The following PRKG1 variants were observed in gnomAD, a reference collection of about 807,000 sequenced individuals.
PRKG1 encodes cGMP-dependent protein kinase 1.
In PRKG1, 35 loss-of-function variants were observed where a neutral mutation model predicts 88.1. The ratio of observed to expected loss-of-function variants is 0.40; its 90% CI spans 0.30 to 0.53. The LOEUF is 0.53. Ranked by LOEUF, PRKG1 falls within the 20% of genes least tolerant of loss-of-function variation. The pLI is 0.59. For synonymous variants in PRKG1, 303 were observed against 292.5 expected (o/e 1.04, Z -0.37); for missense variants, 540 against 839.8 (o/e 0.64, Z 4.41).
intron 6 of PRKG1, among the ~76,000 whole-genome samples, chr10:52,055,841 G>A (rs986675478): frequency 5.3e-5 from 8 of 152,092 alleles, no homozygotes; most frequent in African/African-American, 1.9e-4. Context: ...ATAACTTATA[G>A]CTCATATATA....
chr10:52,151,855 C>T (rs34173878), intron 8 of PRKG1, among the ~76,000 whole-genome samples: 26,493 of 152,074 alleles, frequency 0.17, 2,712 homozygotes, highest in South Asian at 0.3. Flanking sequence ...GAAAGTCATG[C>T]TACATTTTAA....
intron 3 of PRKG1, among the ~76,000 whole-genome samples, chr10:51,634,425 A>T (rs1470127363): frequency 6.6e-6 from 1 of 152,128 alleles, no homozygotes; most frequent in East Asian, 1.9e-4. Context: ...AAACTTGATT[A>T]TATAGTTAGG....
chr10:51,116,690 C>T (rs1303416403), intron 1 of PRKG1, among the ~76,000 whole-genome samples: 1 of 152,144 alleles, frequency 6.6e-6, no homozygotes, highest in Non-Finnish European at 1.5e-5. Context: ...AGCATTTCCT[C>T]TGAAATCCCT....
intron 4 of PRKG1, among the ~76,000 whole-genome samples, chr10:51,864,417 T>C (rs1453694563): frequency 2.0e-5 from 3 of 152,200 alleles, no homozygotes; most frequent in Admixed American, 6.5e-5. Flanking sequence ...TTTTAAAAAG[T>C]TTGGAATGTA....
chr10:51,224,470 G>T (rs978854519), intron 2 of PRKG1, among the ~76,000 whole-genome samples: 1 of 152,202 alleles, frequency 6.6e-6, no homozygotes, highest in Non-Finnish European at 1.5e-5. Context: ...AATATTTTCA[G>T]ACATCAAACT....
chr10:51,797,546 T>G (rs1455795217), intron 3 of PRKG1, among the ~76,000 whole-genome samples: 1 of 146,886 alleles, frequency 6.8e-6, no homozygotes, highest in Non-Finnish European at 1.5e-5. Context: ...GTATTTAATA[T>G]TAAATATAAT....
intron 1 of PRKG1, among the ~76,000 whole-genome samples, chr10:51,150,950 C>G (rs769211180): frequency 2.0e-5 from 3 of 151,882 alleles, no homozygotes; most frequent in Non-Finnish European, 4.4e-5. Flanking sequence ...TAATTATGTT[C>G]TTGGAAGAGG....
At chr10:51,086,072 G>C (rs994637562) in intron 1 of PRKG1, among the ~76,000 whole-genome samples, 1 of 151,920 alleles carries the variant, frequency 6.6e-6, no homozygotes, top group African/African-American at 2.4e-5. Flanking sequence ...TTCTCTTGTT[G>C]GAAAAAAAGG....
chr10:51,772,971 A>G (rs897751846), intron 3 of PRKG1, among the ~76,000 whole-genome samples: 1 of 152,072 alleles, frequency 6.6e-6, no homozygotes, highest in South Asian at 2.1e-4. Flanking sequence ...AGCAATGTTA[A>G]TTGGCAGAAC....
intron 1 of PRKG1, among the ~76,000 whole-genome samples, chr10:51,112,648 G>A (rs909106804): frequency 6.6e-6 from 1 of 152,144 alleles, no homozygotes; most frequent in Admixed American, 6.6e-5. Flanking sequence ...GATGATTAAA[G>A]TACCAGACTA....
At chr10:52,291,670 A>G (rs9731770) in intron 17 of PRKG1, among the ~76,000 whole-genome samples, 1 of 152,052 alleles carries the variant, frequency 6.6e-6, no homozygotes, top group East Asian at 1.9e-4. Flanking sequence ...CATTTGGGTT[A>G]GTTCCAAGTC....
rs148188616 is a variant in PRKG1 at position 51,487,698 on chromosome 10, C to T, written c.592+19862C>T. ...TATCTTAAGGAGTATGTCTCATCAA[C>T]GGACAAAAGCTAAGCCAAAAACACC... On this transcript the variant is annotated intron_variant, in intron 3 of 17. Transcript: ENST00000373980. Among the ~76,000 whole-genome samples the T allele has an allele frequency of 1.3e-3, 199 of 152,148 alleles. 1 individual carries two copies. Among genetic ancestry groups the T allele is most frequent in the African/African-American group, 4.4e-3 (184 of 41,502 alleles).
chr10:51,765,654 A>G lies in PRKG1; in HGVS notation c.593-38931A>G, dbSNP rs151184315. Among the ~76,000 whole-genome samples, 339 of 152,144 alleles carry G rather than the reference A, an allele frequency of 2.2e-3. 1 individual carries two copies. The highest frequency in any genetic ancestry group is 6.8e-3 in the Middle Eastern group (2 of 294). On this transcript the variant is annotated intron_variant, in intron 3 of 17. Transcript: ENST00000373980. ...TCTCTGAGTCTTGGCCCATACCATT[A>G]ACCTCACCTGGAATGTACTTTCCTT...
chr10:51,455,541 C>T (rs550802650), intron 2 of PRKG1, among the ~76,000 whole-genome samples: 25 of 152,272 alleles, frequency 1.6e-4, no homozygotes, highest in Admixed American at 5.2e-4. Context: ...GAATGCTTTG[C>T]TGCTTATAAA....
At chr10:52,004,889 T>C (rs1306955906) in intron 5 of PRKG1, among the ~76,000 whole-genome samples, 1 of 152,150 alleles carries the variant, frequency 6.6e-6, no homozygotes, top group East Asian at 1.9e-4. Context: ...ATCATGCCAC[T>C]GTACTCCATC....
intron 2 of PRKG1, among the ~76,000 whole-genome samples, chr10:51,170,161 T>C (rs1846664162): frequency 6.6e-6 from 1 of 152,034 alleles, no homozygotes. Flanking sequence ...TTTCTCCAAT[T>C]TGTTAATTCA....
At chr10:51,906,859 A>T (rs931826931) in intron 4 of PRKG1, among the ~76,000 whole-genome samples, 1 of 152,194 alleles carries the variant, frequency 6.6e-6, no homozygotes, top group African/African-American at 2.4e-5. Flanking sequence ...TTTGGGGTAA[A>T]ATACTTCAAT....
chr10:51,557,624 C>T (rs778543431), intron 3 of PRKG1, among the ~76,000 whole-genome samples: 6 of 151,988 alleles, frequency 3.9e-5, no homozygotes, highest in Non-Finnish European at 5.9e-5. Flanking sequence ...TGATGATGAA[C>T]GTACTATAAC....
At chr10:51,889,409 G>A (rs1018468140) in intron 4 of PRKG1, among the ~76,000 whole-genome samples, 44 of 151,952 alleles carry the variant, frequency 2.9e-4, no homozygotes, top group Admixed American at 3.9e-4. Context: ...TTATGGCTGC[G>A]TAGTATTCCA....
Sources: allele counts gnomAD v4.1 joint callset (sites outside exome capture counted in the v4.1 genomes callset), GRCh38; gene constraint gnomAD v4.1.1; transcripts MANE v1.5; gene names NCBI Gene and HGNC (gene_info 2026-07-23, HGNC 2026-07-21).